Variants in AKNAD1 observed in about 807,000 individuals in gnomAD.
AKNAD1 encodes the protein protein AKNAD1.
AKNAD1 carries 67 observed loss-of-function variants against 90.8 expected under a neutral mutation model. That is an observed-to-expected ratio of 0.74 (90% confidence interval 0.61 to 0.90). The LOEUF is 0.90. Ranked by LOEUF, AKNAD1 falls within the 40% of genes least tolerant of loss-of-function variation. The pLI is 0.00. For missense variants in AKNAD1, 957 were observed against 975.4 expected (o/e 0.98, Z 0.25); for synonymous variants, 327 against 341.4 (o/e 0.96, Z 0.46).
intron 2 of AKNAD1, among the ~76,000 whole-genome samples, chr1:108,851,403 A>G (rs1445485269): frequency 6.6e-6 from 1 of 152,168 alleles, no homozygotes; most frequent in African/African-American, 2.4e-5. Context: ...CTCCTGAAGG[A>G]AGGCAGCTAA....
intron 5 of AKNAD1, 37 bp from the exon 6 acceptor site, chr1:108,843,304 A>G (rs751204829): frequency 6.2e-7 from 1 of 1,609,080 alleles, no homozygotes; most frequent in African/African-American, 1.3e-5. Flanking sequence ...TTCACATGCA[A>G]GCCTGTGTGT....
intron 9 of AKNAD1, among the ~76,000 whole-genome samples, chr1:108,832,777 ATGAGATATCAGTTTTCACTTATGCATT>A (rs1664250558): frequency 1.3e-5 from 2 of 152,218 alleles, no homozygotes; most frequent in Admixed American, 1.3e-4. Flanking sequence ...GATTAAAATA[ATGAGATATCAGTTTTCACTTATGCATT>A]TGGCAAAAGT....
rs781285339 is a variant in AKNAD1, at chr1:108,851,948, T to C, written c.717A>G (p.Glu239=). 1 of 1,614,260 alleles carries C rather than the reference T, an allele frequency of 6.2e-7. No individual in the cohort carries two copies. The highest frequency in any genetic ancestry group is 8.5e-7 in the Non-Finnish European group (1 of 1,180,044). ...QGQSPQKQQT[E]KANSGNTFKY... is the part of the protein sequence containing the mutation. ...TGAACGTGTTGCCTGAATTTGCTTT[T>C]TCAGTCTGCTGTTTCTGGGGTGACT... Residue 239 remains glutamate, a synonymous_variant, in exon 2 of 16, where the codon GAA becomes GAG. Transcript: ENST00000370001.
chr1:108,827,105 G>A (rs181115306), intron 11 of AKNAD1, 100 bp downstream of exon 11: 7 of 792,008 alleles, frequency 8.8e-6, no homozygotes, highest in Non-Finnish European at 1.3e-5. Context: ...GTAGGGAAAT[G>A]CTCTTGGAGT....
Position 108,834,541 on chromosome 1 carries a change from A to G in AKNAD1, c.1665-13T>C, listed in dbSNP as rs1557831444. On this transcript the variant is annotated splice_polypyrimidine_tract_variant and intron_variant, in intron 8 of 15. Coordinates refer to ENST00000370001, the MANE Select transcript of AKNAD1 (RefSeq NM_152763.5). ...ACCGTTTAGGTAACTAATTTAAAAA[A>G]AAAAAAAGCAGTTTGAATGTTAGAA... 4 of 1,583,132 alleles carry G rather than the reference A, an allele frequency of 2.5e-6. No homozygotes were observed. The Admixed American group carries it at 7.1e-5, about 28-fold the overall frequency.
At chr1:108,856,718 T>TCACACACATATAAA (rs1665055802) in intron 1 of AKNAD1, among the ~76,000 whole-genome samples, 1 of 142,844 alleles carries the variant, frequency 7.0e-6, no homozygotes, top group Non-Finnish European at 1.5e-5. Context: ...TCTCTCTCTC[T>TCACACACATATAAA]CACACACACA....
intron 6 of AKNAD1, among the ~76,000 whole-genome samples, chr1:108,838,129 T>C (rs2101193592): frequency 6.6e-6 from 1 of 152,306 alleles, no homozygotes; most frequent in South Asian, 2.1e-4. Context: ...CTAATCCATA[T>C]GAATATATGT....
chr1:108,818,024 A>C (rs557694621), intron 14 of AKNAD1, among the ~76,000 whole-genome samples: 7 of 152,276 alleles, frequency 4.6e-5, no homozygotes, highest in African/African-American at 1.7e-4. Context: ...AGAAGTCTGC[A>C]CTAGGTGAGT....
intron 14 of AKNAD1, 159 bp from the exon 15 acceptor site, chr1:108,817,336 A>G (rs753956876): frequency 1.3e-4 from 105 of 829,662 alleles, no homozygotes; most frequent in Non-Finnish European, 1.8e-4. Context: ...CATGTGGCTG[A>G]CCGCAGCTGG....
chr1:108,843,866 A>C (rs1664626528), intron 5 of AKNAD1, among the ~76,000 whole-genome samples: 1 of 152,220 alleles, frequency 6.6e-6, no homozygotes, highest in African/African-American at 2.4e-5. Context: ...AGCCTCAAGC[A>C]GATGAATGTT....
At chr1:108,849,820 C>A (rs533427704) in intron 2 of AKNAD1, among the ~76,000 whole-genome samples, 1 of 152,254 alleles carries the variant, frequency 6.6e-6, no homozygotes, top group South Asian at 2.1e-4. Context: ...GTGAACCTGC[C>A]TCAGGGGGTT....
intron 1 of AKNAD1, among the ~76,000 whole-genome samples, chr1:108,853,331 C>T (rs2101222476): frequency 6.6e-6 from 1 of 151,926 alleles, no homozygotes; most frequent in South Asian, 2.1e-4. Context: ...TGGGGTTTCA[C>T]CATATTAGCC....
chr1:108,857,721 A>C (rs1665087873), upstream of AKNAD1, among the ~76,000 whole-genome samples: 1 of 152,202 alleles, frequency 6.6e-6, no homozygotes, highest in African/African-American at 2.4e-5. Context: ...GAAAGCAGGC[A>C]TTGTTTCTAC....
chr1:108,843,372 G>A, intron 5 of AKNAD1, 105 bp from the exon 6 acceptor site: 2 of 1,369,540 alleles, frequency 1.5e-6, no homozygotes, highest in Non-Finnish European at 2.0e-6. Flanking sequence ...TCAAAACAAA[G>A]CTGCCATCCT....
At chr1:108,832,123 G>A (rs566155118) in intron 9 of AKNAD1, among the ~76,000 whole-genome samples, 10 of 151,868 alleles carry the variant, frequency 6.6e-5, no homozygotes, top group Admixed American at 2.0e-4. Flanking sequence ...GAGGCCTGGC[G>A]GATTTAAGCA....
intron 1 of AKNAD1, among the ~76,000 whole-genome samples, chr1:108,856,040 A>T (rs930302161): frequency 6.6e-6 from 1 of 151,500 alleles, no homozygotes; most frequent in Non-Finnish European, 1.5e-5. Flanking sequence ...TTTTTTAGAG[A>T]TGGAGTTTCA....
intron 13 of AKNAD1, among the ~76,000 whole-genome samples, chr1:108,821,205 C>T (rs1247036449): frequency 1.3e-5 from 2 of 152,190 alleles, no homozygotes; most frequent in East Asian, 3.8e-4. Flanking sequence ...AATCCCAGCA[C>T]TTTGGGAGGC....
At chr1:108,843,321 GT>G in intron 5 of AKNAD1, 54 bp from the exon 6 acceptor site, 1 of 1,598,292 alleles carries the variant, frequency 6.3e-7, no homozygotes. Context: ...GTGTGTAATT[GT>G]TTTCCCAAAA....
At chr1:108,840,674 G>T (rs750470106) in intron 6 of AKNAD1, among the ~76,000 whole-genome samples, 9 of 152,170 alleles carry the variant, frequency 5.9e-5, no homozygotes, top group Non-Finnish European at 1.3e-4. Flanking sequence ...AATAGAAACA[G>T]TTCTGTATAC....
Sources: gnomAD v4.1 joint callset for allele counts (sites outside exome capture counted in the v4.1 genomes callset) on GRCh38, gnomAD v4.1.1 for gene constraint, MANE v1.5 for transcripts, NCBI Gene and HGNC (gene_info 2026-07-23, HGNC 2026-07-21) for gene names.